The following GALNTL6 variants were observed in gnomAD, a reference collection of about 807,000 sequenced individuals.
The protein encoded by GALNTL6 is polypeptide N-acetylgalactosaminyltransferase like 6.
A neutral mutation model predicts 73.7 loss-of-function variants in GALNTL6; 46 were observed. The ratio of observed to expected loss-of-function variants is 0.62; its 90% CI spans 0.49 to 0.80. GALNTL6 has a LOEUF of 0.80. GALNTL6 is among the 30% of genes least tolerant of loss of function. The probability of loss-of-function intolerance (pLI) is 0.00; values close to 1 mark genes in which losing one functional copy is unlikely to be tolerated. For missense variants in GALNTL6, 604 were observed against 755.0 expected, an observed-to-expected ratio of 0.80 and a Z score of 2.34; for synonymous variants, 259 against 263.7, an observed-to-expected ratio of 0.98 and a Z score of 0.17.
At chr4:172,647,534 G>A (rs184351623) in intron 5 of GALNTL6, among the ~76,000 whole-genome samples, 3 of 152,092 alleles carry the variant, frequency 2.0e-5, no homozygotes, top group Admixed American at 6.6e-5. Flanking sequence ...GCTGAGGCAC[G>A]CTCTTCTAAT....
intron 5 of GALNTL6, among the ~76,000 whole-genome samples, chr4:172,795,861 T>C (rs1260059394): frequency 6.6e-6 from 1 of 151,898 alleles, no homozygotes; most frequent in Non-Finnish European, 1.5e-5. Flanking sequence ...TTGTATATAA[T>C]TTATAATATC....
chr4:172,778,139 C>T (rs558340362), intron 5 of GALNTL6, among the ~76,000 whole-genome samples: 2 of 152,316 alleles, frequency 1.3e-5, no homozygotes, highest in East Asian at 3.9e-4. Flanking sequence ...TTGACGTATT[C>T]ATTTTATTGC....
At chr4:172,775,408 G>A (rs1739017082) in intron 5 of GALNTL6, among the ~76,000 whole-genome samples, 1 of 152,160 alleles carries the variant, frequency 6.6e-6, no homozygotes, top group Admixed American at 6.5e-5. Flanking sequence ...CTTCCTCTTT[G>A]CTGAAAGTTA....
At chr4:172,934,504 G>A (rs1222986922) in intron 9 of GALNTL6, among the ~76,000 whole-genome samples, 1 of 152,020 alleles carries the variant, frequency 6.6e-6, no homozygotes, top group Admixed American at 6.5e-5. Context: ...GCATCACTTT[G>A]TCATTTCCCA....
At chr4:172,198,026 G>C (rs1735827462) in intron 2 of GALNTL6, among the ~76,000 whole-genome samples, 1 of 152,096 alleles carries the variant, frequency 6.6e-6, no homozygotes, top group Non-Finnish European at 1.5e-5. Flanking sequence ...CAGGAGAATG[G>C]CGTGAACCCA....
At chr4:171,838,389 C>G (rs1193839979) in intron 2 of GALNTL6, among the ~76,000 whole-genome samples, 2 of 152,124 alleles carry the variant, frequency 1.3e-5, no homozygotes, top group Admixed American at 1.3e-4. Flanking sequence ...TACCAAAATG[C>G]TGAGATTACA....
chr4:172,016,646 C>A (rs1290691817), intron 2 of GALNTL6, among the ~76,000 whole-genome samples: 1 of 151,828 alleles, frequency 6.6e-6, no homozygotes, highest in African/African-American at 2.4e-5. Context: ...TTATAGAACC[C>A]CATTTTGTCA....
At chr4:172,268,544 G>A (rs1470143542) in intron 3 of GALNTL6, among the ~76,000 whole-genome samples, 2 of 152,176 alleles carry the variant, frequency 1.3e-5, no homozygotes, top group Admixed American at 6.5e-5. Flanking sequence ...TTCAGCAAAG[G>A]CAATTCCCAA....
At chr4:172,677,987 G>A (rs1053713669) in intron 5 of GALNTL6, among the ~76,000 whole-genome samples, 2 of 152,100 alleles carry the variant, frequency 1.3e-5, no homozygotes, top group Non-Finnish European at 2.9e-5. Flanking sequence ...ATACAAAAGC[G>A]TTGGTGGAAA....
chr4:172,150,212 CAT>C (rs1162392930), intron 2 of GALNTL6, among the ~76,000 whole-genome samples: 2 of 152,192 alleles, frequency 1.3e-5, no homozygotes, highest in Non-Finnish European at 2.9e-5. Flanking sequence ...TTTGAAGAGA[CAT>C]AGTGCCAGCC....
At chr4:172,108,663 G>A (rs551615719) in intron 2 of GALNTL6, among the ~76,000 whole-genome samples, 1 of 152,088 alleles carries the variant, frequency 6.6e-6, no homozygotes, top group Non-Finnish European at 1.5e-5. Context: ...GTTCGATCAA[G>A]TTGACACATA....
At chr4:172,341,696 G>C (rs1031550524) in intron 4 of GALNTL6, among the ~76,000 whole-genome samples, 2 of 152,042 alleles carry the variant, frequency 1.3e-5, no homozygotes, top group Admixed American at 1.3e-4. Context: ...CTCTCCTTTT[G>C]CCTGCTGCCA....
chr4:171,885,282 G>C (rs1736576859), intron 2 of GALNTL6, among the ~76,000 whole-genome samples: 1 of 151,982 alleles, frequency 6.6e-6, no homozygotes, highest in South Asian at 2.1e-4. Flanking sequence ...TTAATTTCAT[G>C]TCATTTGCCC....
chr4:172,689,001 A>G (rs1733100912), intron 5 of GALNTL6, among the ~76,000 whole-genome samples: 1 of 151,792 alleles, frequency 6.6e-6, no homozygotes, highest in Non-Finnish European at 1.5e-5. Flanking sequence ...TATTTACACC[A>G]CAGAAATTAG....
At chr4:172,685,550 C>T (rs901854619) in intron 5 of GALNTL6, among the ~76,000 whole-genome samples, 2 of 152,124 alleles carry the variant, frequency 1.3e-5, no homozygotes, top group Non-Finnish European at 1.5e-5. Context: ...CTCAGCTGTA[C>T]TTTGCAAAAT....
rs1561025826 is a variant in GALNTL6, at chr4:172,906,225, TAAGTGGCCATTA to T, written c.1041+23321_1041+23332del. On this transcript the variant is annotated intron_variant, in intron 8 of 12. Transcript: ENST00000506823. ...GACAGATAAATTCATCAGAAATGGT[TAAGTGGCCATTA>T]AAAAAAAACACACACAAATACCCAA... Among the ~76,000 whole-genome samples, 11 of 152,056 alleles carry T rather than the reference TAAGTGGCCATTA, an allele frequency of 7.2e-5. No individual in the cohort carries two copies. The South Asian group carries it at 2.3e-3, about 32-fold the overall frequency.
intron 5 of GALNTL6, among the ~76,000 whole-genome samples, chr4:172,704,959 T>G (rs1579365643): frequency 1.3e-5 from 2 of 152,088 alleles, no homozygotes; most frequent in East Asian, 3.9e-4. Flanking sequence ...CACTTTATAG[T>G]TTTTGACTTG....
intron 4 of GALNTL6, among the ~76,000 whole-genome samples, chr4:172,340,640 T>C (rs1289219367): frequency 1.3e-5 from 2 of 152,238 alleles, no homozygotes; most frequent in Non-Finnish European, 2.9e-5. Flanking sequence ...ATTTAAGTTA[T>C]GTGAAAACAG....
intron 5 of GALNTL6, among the ~76,000 whole-genome samples, chr4:172,499,033 G>T (rs571855634): frequency 6.6e-6 from 1 of 152,128 alleles, no homozygotes; most frequent in Non-Finnish European, 1.5e-5. Context: ...AGTCAGTATT[G>T]CACTCCTTCT....
Sources: allele counts gnomAD v4.1 joint callset (sites outside exome capture counted in the v4.1 genomes callset), GRCh38; gene constraint gnomAD v4.1.1; transcripts MANE v1.5; gene names NCBI Gene and HGNC (gene_info 2026-07-23, HGNC 2026-07-21).